The following UNC13C variants were observed in gnomAD, a reference collection of about 807,000 sequenced individuals.
UNC13C encodes unc-13 homolog C.
UNC13C carries 174 observed loss-of-function variants against 245.4 expected under a neutral mutation model. The ratio of observed to expected loss-of-function variants is 0.71; its 90% confidence interval spans 0.63 to 0.80. The LOEUF is 0.80. Ranked by LOEUF, UNC13C falls within the 30% of genes least tolerant of loss-of-function variation. The pLI, the probability that UNC13C is intolerant of heterozygous loss-of-function variation, is 0.00. For synonymous variants in UNC13C, 992 were observed against 895.1 expected, an observed-to-expected ratio of 1.11 and a Z score of -1.93; for missense variants, 2,829 against 2,602.9, an observed-to-expected ratio of 1.09 and a Z score of -1.89.
At chr15:54,333,543 T>G (rs1047170487) in intron 15 of UNC13C, among the ~76,000 whole-genome samples, 1 of 152,100 alleles carries the variant, frequency 6.6e-6, no homozygotes, top group African/African-American at 2.4e-5. Context: ...ATTGTTAGTG[T>G]AAATAGAAGA....
At chr15:53,898,573 G>A in the UNC13C span, among the ~76,000 whole-genome samples, 3 of 152,086 alleles carry the variant, frequency 2.0e-5, no homozygotes, top group Non-Finnish European at 4.4e-5. Flanking sequence ...AGAATCAAAA[G>A]GTATTGGCTC....
the UNC13C span, among the ~76,000 whole-genome samples, chr15:53,922,300 T>C: frequency 2.6e-5 from 4 of 152,308 alleles, no homozygotes; most frequent in East Asian, 1.9e-4. Flanking sequence ...AGAGGGCATA[T>C]ATGAAAAAGG....
chr15:53,930,533 A>G, the UNC13C span, among the ~76,000 whole-genome samples: 1 of 152,182 alleles, frequency 6.6e-6, no homozygotes, highest in Non-Finnish European at 1.5e-5. Flanking sequence ...GTAAATACAC[A>G]AACACTGGTA....
At chr15:53,853,583 A>G in the UNC13C span, among the ~76,000 whole-genome samples, 1 of 152,168 alleles carries the variant, frequency 6.6e-6, no homozygotes, top group Non-Finnish European at 1.5e-5. Flanking sequence ...GTCTTCCACA[A>G]TGGTTGAACT....
intron 1 of UNC13C, among the ~76,000 whole-genome samples, chr15:53,990,537 T>C (rs1369409456): frequency 2.6e-5 from 4 of 152,172 alleles, no homozygotes; most frequent in African/African-American, 9.6e-5. Context: ...CTTTTGTTTT[T>C]ACTTTTATTT....
intron 18 of UNC13C, among the ~76,000 whole-genome samples, chr15:54,411,625 C>T (rs1040083419): frequency 2.0e-5 from 3 of 151,752 alleles, no homozygotes; most frequent in African/African-American, 7.3e-5. Flanking sequence ...CATACTGTTA[C>T]ACATTGTTGA....
At chr15:54,611,271 A>C (rs1400005838) in intron 30 of UNC13C, among the ~76,000 whole-genome samples, 1 of 152,210 alleles carries the variant, frequency 6.6e-6, no homozygotes, top group Non-Finnish European at 1.5e-5. Context: ...ACAATTTCTA[A>C]AGCTTAGGAT....
chr15:54,404,677 T>A (rs1318892709), intron 18 of UNC13C, among the ~76,000 whole-genome samples: 1 of 152,186 alleles, frequency 6.6e-6, no homozygotes, highest in Non-Finnish European at 1.5e-5. Context: ...ATATTTAATG[T>A]ACCATATTTA....
intron 10 of UNC13C, among the ~76,000 whole-genome samples, chr15:54,270,038 A>T (rs2036645328): frequency 6.6e-6 from 1 of 152,152 alleles, no homozygotes; most frequent in African/African-American, 2.4e-5. Context: ...CTTTTTTAAC[A>T]TTAGTTCTTT....
At chr15:54,077,857 TG>T (rs1231915984) in intron 2 of UNC13C, among the ~76,000 whole-genome samples, 2 of 152,232 alleles carry the variant, frequency 1.3e-5, no homozygotes, top group African/African-American at 4.8e-5. Context: ...GGGGTACTTG[TG>T]CAGATTTGTT....
chr15:54,548,591 A>C (rs1025540559), intron 27 of UNC13C, among the ~76,000 whole-genome samples: 3 of 152,138 alleles, frequency 2.0e-5, no homozygotes, highest in Non-Finnish European at 4.4e-5. Context: ...CAGAATTGCA[A>C]GGGCTTGGAC....
chr15:54,332,305 C>CTGTGTGTGTGTGTGTGTGTGTG (rs34179914), intron 15 of UNC13C, among the ~76,000 whole-genome samples, 194 bp downstream of exon 15: 221 of 145,658 alleles, frequency 1.5e-3, no homozygotes, highest in African/African-American at 5.4e-3. Flanking sequence ...CAACAATACT[C>CTGTGTGTGTGTGTGTGTGTGTG]TGTGTGTGTG....
At chr15:54,504,777 C>T (rs995814179) in intron 22 of UNC13C, among the ~76,000 whole-genome samples, 1 of 152,174 alleles carries the variant, frequency 6.6e-6, no homozygotes, top group African/African-American at 2.4e-5. Flanking sequence ...TTGAACCACA[C>T]TTCTTATCTC....
intron 10 of UNC13C, among the ~76,000 whole-genome samples, chr15:54,271,064 A>T (rs2036676373): frequency 6.6e-6 from 1 of 152,168 alleles, no homozygotes. Flanking sequence ...TTTCAATTTT[A>T]ATTTTATTTA....
At chr15:54,064,329 G>A (rs1266367797) in intron 2 of UNC13C, among the ~76,000 whole-genome samples, 1 of 152,086 alleles carries the variant, frequency 6.6e-6, no homozygotes, top group Non-Finnish European at 1.5e-5. Flanking sequence ...TTGATTTGTT[G>A]CTAAAAAGAT....
chr15:54,622,260 T>C (rs1041200752), intron 30 of UNC13C, 67 bp from the exon 31 acceptor site: 9 of 1,029,766 alleles, frequency 8.7e-6, no homozygotes, highest in Middle Eastern at 2.0e-4. Context: ...TTTTTATGCA[T>C]AGAATGAAAT....
chr15:54,022,413 T>A (rs1374835624), intron 2 of UNC13C, among the ~76,000 whole-genome samples: 1 of 152,100 alleles, frequency 6.6e-6, no homozygotes, highest in East Asian at 1.9e-4. Context: ...GATCAAGAGA[T>A]TCTCCTGCCT....
chr15:54,081,797 A>C (rs1214693260), intron 2 of UNC13C, among the ~76,000 whole-genome samples: 2 of 152,140 alleles, frequency 1.3e-5, no homozygotes, highest in Non-Finnish European at 2.9e-5. Flanking sequence ...TTTCAAGGTT[A>C]ATATTGATAT....
the UNC13C span, among the ~76,000 whole-genome samples, chr15:53,856,282 C>A: frequency 1.3e-5 from 2 of 151,596 alleles, no homozygotes; most frequent in Non-Finnish European, 2.9e-5. Flanking sequence ...ATCTCTATCT[C>A]CTTCAGTTCA....
Sources: allele counts gnomAD v4.1 joint callset (sites outside exome capture counted in the v4.1 genomes callset), GRCh38; gene constraint gnomAD v4.1.1; transcripts MANE v1.5; gene names NCBI Gene and HGNC (gene_info 2026-07-23, HGNC 2026-07-21).